PI4KA: variants seen among roughly 807,000 people sequenced by gnomAD.
PI4KA encodes PI4-kinase alpha.
PI4KA carries 122 observed loss-of-function variants against 271.4 expected under a neutral mutation model. The ratio of observed to expected loss-of-function variants is 0.45; its 90% CI spans 0.39 to 0.52. The LOEUF (loss-of-function observed/expected upper bound fraction) is 0.52. PI4KA is among the 20% of genes least tolerant of loss of function. PI4KA has a pLI of 0.00. For synonymous variants in PI4KA, 1,041 were observed against 1,078.8 expected, an observed-to-expected ratio of 0.96 and a Z score of 0.69; for missense variants, 1,969 against 2,769.1, an observed-to-expected ratio of 0.71 and a Z score of 6.48.
intron 23 of PI4KA, among the ~76,000 whole-genome samples, chr22:20,757,402 C>T (rs738062): frequency 1.3e-5 from 2 of 151,626 alleles, no homozygotes; most frequent in African/African-American, 2.4e-5. Flanking sequence ...ATCAGTCCCC[C>T]GGAACAATTT....
intron 19 of PI4KA, among the ~76,000 whole-genome samples, chr22:20,768,226 C>T (rs1932710913): frequency 2.0e-5 from 3 of 151,936 alleles, no homozygotes; most frequent in South Asian, 4.2e-4. Flanking sequence ...TACAAACAGA[C>T]ACCTTACTGA....
At chr22:20,796,123 G>T in intron 18 of PI4KA, 23 bp downstream of exon 18, 1 of 1,601,390 alleles carries the variant, frequency 6.2e-7, no homozygotes, top group Non-Finnish European at 8.6e-7. Flanking sequence ...TGATGGGGAA[G>T]GCATAGCCAT....
chr22:20,803,114 A>G, intron 13 of PI4KA, 77 bp downstream of exon 13: 2 of 1,495,630 alleles, frequency 1.3e-6, no homozygotes, highest in Non-Finnish European at 1.9e-6. Context: ...AGGTACAGTC[A>G]TGAAACCTGT....
Position 20,796,261 on chromosome 22 carries a change from T to C in PI4KA, c.2162A>G (p.Gln721Arg), listed in dbSNP as rs1433687264. The change falls in exon 18 of 55, where the codon CAA becomes CGA. Residue 721 changes from glutamine to arginine, a missense_variant. By Grantham distance (43) the Gln-to-Arg change is conservative (BLOSUM62 1). Transcript: ENST00000255882. ...NALANIAANI[Q>R]DEHLVDELLM... The stretch of plus-strand genomic sequence containing the variant: ...CAGCTCATCCACCAGGTGCTCGTCT[T>C]GGATGTTGGCCGCGATGTTGGCCAG... 3 of 1,613,930 alleles carry C rather than the reference T, an allele frequency of 1.9e-6. No homozygotes were observed. The highest frequency in any genetic ancestry group is 2.5e-6 in the Non-Finnish European group (3 of 1,179,992).
chr22:20,743,683 C>CA (rs968025992), intron 30 of PI4KA, among the ~76,000 whole-genome samples: 1 of 152,130 alleles, frequency 6.6e-6, no homozygotes, highest in African/African-American at 2.4e-5. Flanking sequence ...ATACAAGTGA[C>CA]AGAGTGCTAA....
intron 4 of PI4KA, 107 bp downstream of exon 4, chr22:20,824,219 T>C: frequency 2.6e-6 from 2 of 766,758 alleles, no homozygotes; most frequent in Non-Finnish European, 2.3e-6. Context: ...TAGATAAATA[T>C]CAACAAACAA....
intron 1 of PI4KA, among the ~76,000 whole-genome samples, chr22:20,845,804 G>A (rs1327558571): frequency 6.6e-6 from 1 of 152,188 alleles, no homozygotes; most frequent in African/African-American, 2.4e-5. Context: ...GTTAGAGGCT[G>A]CAGTAAGCTA....
At chr22:20,741,365 G>T (rs1013883101) in intron 32 of PI4KA, among the ~76,000 whole-genome samples, 17 of 152,336 alleles carry the variant, frequency 1.1e-4, no homozygotes, top group African/African-American at 4.1e-4. Flanking sequence ...GCTGAAGCGT[G>T]ACTTCCACAG....
intron 20 of PI4KA, 100 bp downstream of exon 20, chr22:20,765,485 T>C (rs778657884): frequency 4.7e-5 from 39 of 826,506 alleles, no homozygotes; most frequent in Non-Finnish European, 7.1e-5. Flanking sequence ...GCATGTGGAC[T>C]CATTTAAACA....
chr22:20,813,341 A>G lies in PI4KA; in HGVS notation c.1005+17T>C. ...TGACATATCCATGGTCTGTTCATCCATCAGTTCTTTGCTTACCAGGTTTAA... is the reference window on the plus strand; with the variant it reads ...TGACATATCCATGGTCTGTTCATCCGTCAGTTCTTTGCTTACCAGGTTTAA... On this transcript the variant is annotated intron_variant, in intron 8 of 54. Transcript: ENST00000255882. 2 of 1,606,168 alleles carry G rather than the reference A, an allele frequency of 1.2e-6. No individual in the cohort carries two copies. Among genetic ancestry groups the G allele is most frequent in the African/African-American group, 1.3e-5 (1 of 74,808 alleles).
chr22:20,742,521 G>C lies in PI4KA; in HGVS notation c.3613+87C>G, dbSNP rs190669593. 3.1e-5 allele frequency: 49 copies of C among 1,562,008 alleles called. No individual in the cohort carries two copies. The East Asian group carries it at 1.1e-3, about 35-fold the overall frequency. ...CTGGGGGAGCTCCTGCTCTTTCTCC[G>C]GCCAGTACTCCAGCTGGCTATGGGT... On this transcript the variant is annotated intron_variant, in intron 31 of 54. Coordinates refer to ENST00000255882, the MANE Select transcript of PI4KA (RefSeq NM_058004.4).
chr22:20,719,467 G>A (rs532560950), intron 43 of PI4KA, among the ~76,000 whole-genome samples: 1 of 152,190 alleles, frequency 6.6e-6, no homozygotes, highest in South Asian at 2.1e-4. Flanking sequence ...GGATGTGCAC[G>A]AAGCACTCTT....
At chr22:20,708,364 G>A (rs1924782688) in intron 54 of PI4KA, among the ~76,000 whole-genome samples, 2 of 151,964 alleles carry the variant, frequency 1.3e-5, no homozygotes, top group South Asian at 4.1e-4. Context: ...GGGCCCCTTG[G>A]CTCGTCCTGG....
chr22:20,749,076 C>G (rs753419567), intron 28 of PI4KA, among the ~76,000 whole-genome samples: 1 of 152,306 alleles, frequency 6.6e-6, no homozygotes, highest in East Asian at 1.9e-4. Context: ...GAGGGGGCCT[C>G]CCCTCTTCAG....
intron 3 of PI4KA, among the ~76,000 whole-genome samples, chr22:20,824,655 C>T (rs1923142851): frequency 6.7e-6 from 1 of 150,298 alleles, no homozygotes; most frequent in Non-Finnish European, 1.5e-5. Flanking sequence ...GTTTCCTGAG[C>T]CAATAGCTAG....
intron 23 of PI4KA, among the ~76,000 whole-genome samples, chr22:20,759,392 CT>C (rs1026864796): frequency 2.3e-5 from 3 of 129,854 alleles, no homozygotes; most frequent in African/African-American, 8.6e-5. Context: ...TTTTCTTTTT[CT>C]TTTCTTTTCT....
Position 20,819,836 on chromosome 22 carries a change from G to A in PI4KA, c.594C>T (p.Ser198=), listed in dbSNP as rs753709181. The part of the protein sequence containing the change: ...IGISRAFGRY[S]NMEESLLSKL... ...TTGAGAGGAGAGACTCTTCCATGTT[G>A]CTGTAACGCCCAAATGCTCGCGAGA... The change falls in exon 6 of 55, where the codon AGC becomes AGT. Residue 198 remains serine (S), a synonymous_variant. Coordinates refer to ENST00000255882, the MANE Select transcript of PI4KA (RefSeq NM_058004.4). 1 of 1,613,594 alleles carries A rather than the reference G, an allele frequency of 6.2e-7. No homozygotes were observed. The highest frequency in any genetic ancestry group is 1.3e-5 in the African/African-American group (1 of 74,926).
At position 20,743,541 on chromosome 22, in the gene PI4KA, G is replaced by A. The variant is rs879366847; in HGVS notation, c.3457-777C>T. Among the ~76,000 whole-genome samples, 11 of 152,082 alleles carry A rather than the reference G, an allele frequency of 7.2e-5. No homozygotes were observed. In the South Asian group the frequency reaches 8.3e-4, roughly 11 times the overall value. Reference sequence around the variant, plus strand: ...TGCGATCATAGTTCACTGCATCCTCGAACTCCTGGGCTCAGGTGATCCTCC... The same window carrying A: ...TGCGATCATAGTTCACTGCATCCTCAAACTCCTGGGCTCAGGTGATCCTCC... On this transcript the variant is annotated intron_variant, in intron 30 of 54. Transcript: ENST00000255882.
At chr22:20,802,660 T>C (rs1935396618) in intron 13 of PI4KA, among the ~76,000 whole-genome samples, 1 of 152,170 alleles carries the variant, frequency 6.6e-6, no homozygotes, top group Non-Finnish European at 1.5e-5. Context: ...TTCAGCCTCC[T>C]GAGTAGCTAG....
Sources: gnomAD v4.1 joint callset for allele counts (sites outside exome capture counted in the v4.1 genomes callset) on GRCh38, gnomAD v4.1.1 for gene constraint, MANE v1.5 for transcripts, NCBI Gene and HGNC (gene_info 2026-07-23, HGNC 2026-07-21) for gene names.